Variants in TEX2 observed in about 807,000 individuals in gnomAD.
TEX2 encodes testis expressed 2, also known as testis-expressed protein 2.
TEX2 carries 53 observed loss-of-function variants against 106.9 expected under a neutral mutation model. The observed-to-expected ratio is 0.50, with a 90% CI of 0.40 to 0.62. The LOEUF (loss-of-function observed/expected upper bound fraction) is 0.62, where lower values mean the gene tolerates loss of function less well. TEX2 is among the 20% of genes least tolerant of loss of function. The pLI, the probability that TEX2 is intolerant of heterozygous loss-of-function variation, is 0.00. For missense variants in TEX2, 1,207 were observed against 1,379.0 expected (o/e 0.88, Z 1.98); for synonymous variants, 523 against 534.8 (o/e 0.98, Z 0.30).
intron 1 of TEX2, among the ~76,000 whole-genome samples, chr17:64,231,280 T>G (rs2033650135): frequency 6.8e-6 from 1 of 146,574 alleles, no homozygotes; most frequent in Non-Finnish European, 1.5e-5. Flanking sequence ...TCATTAGTTC[T>G]TACTCTGTAC....
Position 64,194,892 on chromosome 17 carries a change from C to T in TEX2, c.1845+3G>A, listed in dbSNP as rs2032416493. 1.2e-6 allele frequency: 2 copies of T among 1,614,084 alleles called. No homozygotes were observed. Among genetic ancestry groups the T allele is most frequent in the South Asian group, 1.1e-5 (1 of 91,078 alleles). On this transcript the variant is annotated splice_donor_region_variant and intron_variant, in intron 3 of 11. Transcript: ENST00000584379. ...CTATCCTTCCAAAATTGCTCAGGCT[C>T]ACCTTGCTGTCTGAGAGGTCATAGA...
intron 1 of TEX2, among the ~76,000 whole-genome samples, chr17:64,243,136 C>T (rs1319133182): frequency 6.6e-6 from 1 of 151,734 alleles, no homozygotes; most frequent in Non-Finnish European, 1.5e-5. Context: ...ACCATATTGG[C>T]CAGGCTGGTC....
intron 5 of TEX2, among the ~76,000 whole-genome samples, chr17:64,180,346 T>C (rs1326380267): frequency 6.6e-6 from 1 of 152,226 alleles, no homozygotes; most frequent in African/African-American, 2.4e-5. Context: ...TATTTCACAA[T>C]GTATGTCCAA....
intron 2 of TEX2, among the ~76,000 whole-genome samples, chr17:64,204,650 C>A (rs782131630): frequency 7.2e-5 from 11 of 152,116 alleles, no homozygotes; most frequent in African/African-American, 2.7e-4. Context: ...ATGGCCTGGG[C>A]ACCCACAAAA....
At chr17:64,163,497 A>G (rs2030980574) in intron 7 of TEX2, among the ~76,000 whole-genome samples, 1 of 152,150 alleles carries the variant, frequency 6.6e-6, no homozygotes, top group Admixed American at 6.5e-5. Flanking sequence ...TATTCCAACA[A>G]ATGACTCTAA....
Position 64,261,462 on chromosome 17 carries a change from C to T in TEX2, c.-26+1706G>A, listed in dbSNP as rs2034285848. On this transcript the variant is annotated intron_variant, in intron 1 of 11. Coordinates refer to ENST00000584379, the MANE Select transcript of TEX2 (RefSeq NM_001288732.2). ...ATATGCTGTGTCTAATCTTCTCTCA[C>T]GATGACATAACTTGCTCTTCAGACC... Among the ~76,000 whole-genome samples, 7 of 152,238 alleles carry T rather than the reference C, an allele frequency of 4.6e-5. No individual in the cohort carries two copies. The South Asian group carries it at 1.5e-3, about 32-fold the overall frequency.
At chr17:64,221,893 A>T (rs1459793928) in intron 1 of TEX2, among the ~76,000 whole-genome samples, 1 of 152,228 alleles carries the variant, frequency 6.6e-6, no homozygotes, top group Non-Finnish European at 1.5e-5. Flanking sequence ...ACATTATGCT[A>T]ACGAAATAAG....
Position 64,219,580 on chromosome 17 carries a change from G to T in TEX2, c.-25-5338C>A, listed in dbSNP as rs373404619. ...CTAAAGGGAGAATTACAGGCAAGCA[G>T]ACCAGTTTTAAGGCTATTCTGGCAG... is the stretch of plus-strand genomic sequence containing the variant. On this transcript the variant is annotated intron_variant, in intron 1 of 11. Coordinates refer to ENST00000584379, the MANE Select transcript of TEX2 (RefSeq NM_001288732.2). 1.1e-4 allele frequency among the ~76,000 whole-genome samples: 17 copies of T among 151,202 alleles called. No homozygotes were observed. The East Asian group carries it at 2.7e-3, about 24-fold the overall frequency.
At chr17:64,253,357 G>T (rs1467798140) in intron 1 of TEX2, among the ~76,000 whole-genome samples, 6 of 148,342 alleles carry the variant, frequency 4.0e-5, no homozygotes, top group Non-Finnish European at 7.4e-5. Context: ...TGTAGACAGG[G>T]TCTCACTATG....
At chr17:64,178,407 C>G (rs1475299650) in intron 5 of TEX2, among the ~76,000 whole-genome samples, 1 of 152,180 alleles carries the variant, frequency 6.6e-6, no homozygotes, top group East Asian at 1.9e-4. Flanking sequence ...TGACCACATG[C>G]CAGCCCTATG....
At chr17:64,159,304 T>A (rs1194040345) in intron 8 of TEX2, among the ~76,000 whole-genome samples, 1 of 152,168 alleles carries the variant, frequency 6.6e-6, no homozygotes, top group Non-Finnish European at 1.5e-5. Flanking sequence ...CACTCCCTTT[T>A]TATTAGATCT....
In TEX2 at chr17:64,178,504, G is replaced by A. The variant is rs75897667; in HGVS notation, c.2425-1033C>T. Among the ~76,000 whole-genome samples the A allele has an allele frequency of 7.2e-3, 1,101 of 152,174 alleles. 7 individuals are homozygous for A. The highest frequency in any genetic ancestry group is 0.02 in the Middle Eastern group (6 of 294). On this transcript the variant is annotated intron_variant, in intron 5 of 11. Coordinates refer to ENST00000584379, the MANE Select transcript of TEX2 (RefSeq NM_001288732.2). The stretch of plus-strand genomic sequence containing the variant: ...CTTCCATTTTAGAAATGAGTGCAGC[G>A]CCTGACACACAGTCCTGTTCTCCCA...
At position 64,214,197 on chromosome 17, in the gene TEX2, G is replaced by A; in HGVS notation, c.21C>T (p.Arg7=). The change falls in exon 2 of 12, where the codon CGC becomes CGT. Residue 7 remains arginine (R), a synonymous_variant. Coordinates refer to ENST00000584379, the MANE Select transcript of TEX2 (RefSeq NM_001288732.2). ...GCATGTCAGTGGTTTTCTCGGCATG[G>A]CGACCATACAGACTTGTCATTGCCG... is the stretch of plus-strand genomic sequence containing the variant. MTSLYG[R]HAEKTTDMPK... The A allele has an allele frequency of 1.9e-6, 3 of 1,613,822 alleles. No homozygotes were observed. Among genetic ancestry groups the A allele is most frequent in the Non-Finnish European group, 2.5e-6 (3 of 1,179,754 alleles).
At chr17:64,249,574 C>A (rs781791800) in intron 1 of TEX2, among the ~76,000 whole-genome samples, 1 of 152,172 alleles carries the variant, frequency 6.6e-6, no homozygotes, top group Non-Finnish European at 1.5e-5. Flanking sequence ...AACACTTTGG[C>A]ATTAAAAAAT....
intron 7 of TEX2, among the ~76,000 whole-genome samples, chr17:64,164,444 A>C (rs934696376): frequency 6.6e-6 from 1 of 151,986 alleles, no homozygotes; most frequent in African/African-American, 2.4e-5. Flanking sequence ...AAAAAAAAAA[A>C]AAACCCTGGC....
In TEX2 at chr17:64,190,692, T is replaced by C. The variant is rs1210596480; in HGVS notation, c.2177-2277A>G. On this transcript the variant is annotated intron_variant, in intron 4 of 11. Transcript: ENST00000584379. The stretch of plus-strand genomic sequence containing the variant: ...CTGCCAAATGACCATGTGGCTTTCC[T>C]GCTGTCTCCAGATTCTTATTCCTCC... Among the ~76,000 whole-genome samples the C allele has an allele frequency of 2.0e-5, 3 of 152,242 alleles. No individual in the cohort carries two copies. The East Asian group carries it at 5.8e-4, about 29-fold the overall frequency.
At chr17:64,209,685 C>A (rs558084167) in intron 2 of TEX2, among the ~76,000 whole-genome samples, 3 of 152,350 alleles carry the variant, frequency 2.0e-5, no homozygotes, top group African/African-American at 7.2e-5. Context: ...CTCCACCACA[C>A]ACTAGCTGTG....
At chr17:64,236,097 C>T (rs1292379382) in intron 1 of TEX2, among the ~76,000 whole-genome samples, 8 of 151,868 alleles carry the variant, frequency 5.3e-5, no homozygotes, top group Non-Finnish European at 8.8e-5. Flanking sequence ...AAGGTACAGC[C>T]GGCTCTCCAT....
chr17:64,234,084 A>G (rs2033716150), intron 1 of TEX2, among the ~76,000 whole-genome samples: 1 of 152,228 alleles, frequency 6.6e-6, no homozygotes, highest in South Asian at 2.1e-4. Context: ...GTAAGGAAAA[A>G]AGGCAAGTGG....
Sources: allele counts gnomAD v4.1 joint callset (sites outside exome capture counted in the v4.1 genomes callset), GRCh38; gene constraint gnomAD v4.1.1; transcripts MANE v1.5; gene names NCBI Gene and HGNC (gene_info 2026-07-23, HGNC 2026-07-21).